MOCOS: variants seen among roughly 807,000 people sequenced by gnomAD.
MOCOS encodes molybdenum cofactor sulfurase.
MOCOS carries 86 observed loss-of-function variants against 83.6 expected under a neutral mutation model. The ratio of observed to expected loss-of-function variants is 1.03; its 90% CI spans 0.86 to 1.23. MOCOS has a LOEUF of 1.23. Among genes scored for constraint, MOCOS ranks in the 50% most tolerant of loss-of-function variants. The probability of loss-of-function intolerance (pLI) is 0.00; values close to 1 mark genes in which losing one functional copy is unlikely to be tolerated. For missense variants in MOCOS, 1,120 were observed against 1,126.9 expected, an observed-to-expected ratio of 0.99 and a Z score of 0.09; for synonymous variants, 445 against 434.7, an observed-to-expected ratio of 1.02 and a Z score of -0.29.
chr18:36,213,047 A>G (rs1044507643), intron 6 of MOCOS, among the ~76,000 whole-genome samples: 5 of 152,224 alleles, frequency 3.3e-5, no homozygotes, highest in Non-Finnish European at 7.3e-5. Context: ...TAGGAAAAGC[A>G]AATCAATTAT....
At chr18:36,256,840 C>A in intron 11 of MOCOS, 128 bp from the exon 12 acceptor site, 1 of 827,244 alleles carries the variant, frequency 1.2e-6, no homozygotes, top group Non-Finnish European at 2.1e-6. Flanking sequence ...TTTATTATTG[C>A]CAGGACATCA....
rs114876301 is a variant in MOCOS at position 36,209,806 on chromosome 18, G to T, written c.1219-3560G>T. ...ATTGTGCTGCTATAAACATGTGTGC[G>T]TGTGTCTTTTCCACATAATGACGTT... is the stretch of plus-strand genomic sequence containing the variant. On this transcript the variant is annotated intron_variant, in intron 6 of 14. Coordinates refer to ENST00000261326, the MANE Select transcript of MOCOS (RefSeq NM_017947.4). 4.6e-5 allele frequency among the ~76,000 whole-genome samples: 7 copies of T among 152,048 alleles called. No individual in the cohort carries two copies. The East Asian group carries it at 1.4e-3, about 29-fold the overall frequency.
At chr18:36,255,456 C>G (rs1369912693) in intron 11 of MOCOS, among the ~76,000 whole-genome samples, 1 of 152,172 alleles carries the variant, frequency 6.6e-6, no homozygotes, top group Non-Finnish European at 1.5e-5. Flanking sequence ...CTTTTATTTT[C>G]TCAGCTCGGA....
At chr18:36,255,154 C>T (rs906595779) in intron 11 of MOCOS, among the ~76,000 whole-genome samples, 1 of 152,124 alleles carries the variant, frequency 6.6e-6, no homozygotes, top group Non-Finnish European at 1.5e-5. Flanking sequence ...GGGCACCCTG[C>T]CATTTGTTCC....
chr18:36,202,685 C>A (rs2091419121), intron 4 of MOCOS, among the ~76,000 whole-genome samples: 1 of 152,144 alleles, frequency 6.6e-6, no homozygotes, highest in South Asian at 2.1e-4. Flanking sequence ...AGATACTACC[C>A]AAGACTGGGT....
intron 8 of MOCOS, among the ~76,000 whole-genome samples, chr18:36,217,554 A>G (rs988259431): frequency 6.6e-6 from 1 of 152,080 alleles, no homozygotes; most frequent in African/African-American, 2.4e-5. Flanking sequence ...CAGCTGGCTC[A>G]GGAAAAGCCC....
intron 11 of MOCOS, among the ~76,000 whole-genome samples, chr18:36,255,884 GTT>G (rs74181121): frequency 0.17 from 22,238 of 133,686 alleles, 2,121 homozygotes; most frequent in African/African-American, 0.28. Flanking sequence ...CCTTTTAGTA[GTT>G]TTTTTTTTTT....
At chr18:36,245,307 T>C (rs572199547) in intron 9 of MOCOS, among the ~76,000 whole-genome samples, 2 of 152,218 alleles carry the variant, frequency 1.3e-5, no homozygotes, top group Non-Finnish European at 2.9e-5. Flanking sequence ...CCATTTTTTT[T>C]GTAGTGCTGG....
chr18:36,249,142 A>T lies in MOCOS; in HGVS notation c.2039+142A>T, dbSNP rs927094025. Reference sequence around the variant, plus strand: ...ATTTCTCCCTTGCATGCTTCTCTCTAACCACACTCTTGGCTCTTTGGTCTT... The same window carrying T: ...ATTTCTCCCTTGCATGCTTCTCTCTTACCACACTCTTGGCTCTTTGGTCTT... On this transcript the variant is annotated intron_variant, in intron 10 of 14. Coordinates refer to ENST00000261326, the MANE Select transcript of MOCOS (RefSeq NM_017947.4). 9.2e-6 allele frequency: 7 copies of T among 763,324 alleles called. No homozygotes were observed. In the African/African-American group the frequency reaches 1.2e-4, roughly 13 times the overall value. The allele number at this position is 763,324 out of a possible 1,614,324, so 47.3% of individuals were successfully genotyped here.
intron 1 of MOCOS, among the ~76,000 whole-genome samples, chr18:36,191,746 G>T (rs530857836): frequency 5.8e-5 from 1 of 17,372 alleles, no homozygotes; most frequent in Admixed American, 9.6e-4. Context: ...CTTAAAATAC[G>T]TGTGCACACA....
chr18:36,209,606 T>C (rs2091446984), intron 6 of MOCOS, among the ~76,000 whole-genome samples: 1 of 152,194 alleles, frequency 6.6e-6, no homozygotes, highest in Non-Finnish European at 1.5e-5. Context: ...TTTCCATTCC[T>C]GAGTTATTTC....
chr18:36,249,211 T>A (rs938162048), intron 10 of MOCOS, among the ~76,000 whole-genome samples: 1 of 152,198 alleles, frequency 6.6e-6, no homozygotes, highest in South Asian at 2.1e-4. Context: ...TTGCACTTGC[T>A]GTTCCCTCTG....
intron 9 of MOCOS, among the ~76,000 whole-genome samples, chr18:36,239,054 A>T (rs1207918038): frequency 6.6e-6 from 1 of 150,640 alleles, no homozygotes; most frequent in Non-Finnish European, 1.5e-5. Context: ...GGTTTCCTGA[A>T]TACAGCACAC....
intron 7 of MOCOS, among the ~76,000 whole-genome samples, chr18:36,215,034 G>A (rs78370608): frequency 0.11 from 16,124 of 152,236 alleles, 1,133 homozygotes; most frequent in African/African-American, 0.2. Flanking sequence ...GTCATTTGCA[G>A]GGGCAGCATC....
At chr18:36,242,253 A>T (rs1598588448) in intron 9 of MOCOS, among the ~76,000 whole-genome samples, 1 of 152,320 alleles carries the variant, frequency 6.6e-6, no homozygotes, top group Admixed American at 6.5e-5. Context: ...TCTCTAGGGC[A>T]GGGGCAAAAT....
chr18:36,240,384 G>A (rs1429756522), intron 9 of MOCOS, among the ~76,000 whole-genome samples: 28 of 148,918 alleles, frequency 1.9e-4, no homozygotes, highest in Admixed American at 1.5e-3. Context: ...GTCTGTTGGA[G>A]TACCCTGCAG....
chr18:36,225,685 C>T (rs914780537), intron 9 of MOCOS, among the ~76,000 whole-genome samples: 1 of 152,020 alleles, frequency 6.6e-6, no homozygotes. Context: ...CACTTACTGC[C>T]ATGAGCTTAC....
chr18:36,267,916 T>C (rs899431917), intron 14 of MOCOS, among the ~76,000 whole-genome samples: 2 of 152,176 alleles, frequency 1.3e-5, no homozygotes, highest in African/African-American at 2.4e-5. Flanking sequence ...TCATGAGGAA[T>C]TGGCCCAATC....
chr18:36,256,914 T>C, intron 11 of MOCOS, 54 bp from the exon 12 acceptor site: 1 of 1,416,520 alleles, frequency 7.1e-7, no homozygotes, highest in South Asian at 1.1e-5. Context: ...GGAAACATGA[T>C]TCACTGGCAT....
Sources: allele counts gnomAD v4.1 joint callset (sites outside exome capture counted in the v4.1 genomes callset), GRCh38; gene constraint gnomAD v4.1.1; transcripts MANE v1.5; gene names NCBI Gene and HGNC (gene_info 2026-07-23, HGNC 2026-07-21).